Variants in SHTN1 observed in about 807,000 individuals in gnomAD.
SHTN1 encodes the protein shootin 1, also known as shootin-1.
Under a neutral mutation model 83.1 loss-of-function variants are expected in SHTN1, and 42 were observed. The observed-to-expected ratio is 0.51, with a 90% confidence interval of 0.39 to 0.65. The LOEUF is 0.65. Ranked by LOEUF, SHTN1 falls within the 30% of genes least tolerant of loss-of-function variation. The probability of loss-of-function intolerance (pLI) is 0.00; values close to 1 mark genes in which losing one functional copy is unlikely to be tolerated. For missense variants in SHTN1, 622 were observed against 737.8 expected (o/e 0.84, Z 1.82); for synonymous variants, 224 against 247.7 (o/e 0.90, Z 0.90).
intron 1 of SHTN1, among the ~76,000 whole-genome samples, chr10:117,090,847 A>G (rs1038311193): frequency 2.0e-5 from 3 of 151,956 alleles, no homozygotes; most frequent in Non-Finnish European, 4.4e-5. Flanking sequence ...GGGAAAGGTG[A>G]GCCAGGAAAA....
At chr10:117,020,093 A>G (rs1852237788) in intron 2 of SHTN1, among the ~76,000 whole-genome samples, 1 of 152,186 alleles carries the variant, frequency 6.6e-6, no homozygotes, top group African/African-American at 2.4e-5. Flanking sequence ...ATCTTGAAAC[A>G]AAAGAATAAA....
chr10:117,074,095 C>T (rs1480447682), intron 1 of SHTN1, among the ~76,000 whole-genome samples: 1 of 152,084 alleles, frequency 6.6e-6, no homozygotes, highest in East Asian at 1.9e-4. Context: ...TATCATTTTT[C>T]CCCTTTAGCT....
Position 116,979,289 on chromosome 10 carries a change from G to T in SHTN1, c.78C>A (p.Asp26Glu). 6.2e-7 allele frequency: 1 copy of T among 1,613,874 alleles called. No individual in the cohort carries two copies. Among genetic ancestry groups the T allele is most frequent in the Non-Finnish European group, 8.5e-7 (1 of 1,179,918 alleles). Residue 26 changes from aspartate to glutamate, a missense_variant, in exon 2 of 17, where the codon GAC becomes GAA. Asp to Glu is a conservative substitution (Grantham distance 45). This residue lies in a region of SHTN1 where 383 missense variants were observed against 455.8 expected (regional missense o/e 0.84). Transcript: ENST00000355371. ...TTGTTTTCTGGTTCTCTGCTCTAAG[G>T]TCTTCATATTCGCCTATTGCTAAAA... ...LKEQAIGEYEDLRAENQKTKE... is the reference protein window; with the variant it reads ...LKEQAIGEYEELRAENQKTKE...
At chr10:116,924,330 T>TGAG (rs10652199) in intron 11 of SHTN1, among the ~76,000 whole-genome samples, 9,155 of 152,136 alleles carry the variant, frequency 0.06, 865 homozygotes, top group African/African-American at 0.2. Flanking sequence ...TCTCGTTCTG[T>TGAG]GAGATTTTGC....
intron 1 of SHTN1, among the ~76,000 whole-genome samples, chr10:117,004,566 C>A (rs1170156843): frequency 1.3e-5 from 2 of 152,062 alleles, no homozygotes; most frequent in Admixed American, 6.6e-5. Context: ...CGAATCCAAA[C>A]GAAAAGCTGG....
intron 3 of SHTN1, among the ~76,000 whole-genome samples, chr10:116,963,103 G>A (rs71475009): frequency 1.9e-5 from 2 of 105,472 alleles, no homozygotes; most frequent in Non-Finnish European, 3.5e-5. Context: ...ACGGAGTCTC[G>A]CTCTGTGGCC....
chr10:117,104,371 T>C (rs1367389442), intron 1 of SHTN1, among the ~76,000 whole-genome samples: 1 of 152,226 alleles, frequency 6.6e-6, no homozygotes, highest in African/African-American at 2.4e-5. Flanking sequence ...TCATAGTTAT[T>C]TGGGTACAAG....
At chr10:116,999,379 T>C (rs1235479449) in intron 1 of SHTN1, among the ~76,000 whole-genome samples, 2 of 152,188 alleles carry the variant, frequency 1.3e-5, no homozygotes, top group Non-Finnish European at 2.9e-5. Flanking sequence ...AATGGGGTCA[T>C]AGCATGCATT....
intron 16 of SHTN1, among the ~76,000 whole-genome samples, chr10:116,895,907 C>T (rs1847500315): frequency 6.6e-6 from 1 of 152,074 alleles, no homozygotes; most frequent in South Asian, 2.1e-4. Flanking sequence ...AAATAATAAA[C>T]AAAAGCACCT....
intron 4 of SHTN1, among the ~76,000 whole-genome samples, chr10:116,959,462 C>A (rs1589844220): frequency 6.6e-6 from 1 of 152,186 alleles, no homozygotes; most frequent in Non-Finnish European, 1.5e-5. Flanking sequence ...GAAACACAAC[C>A]AGTATTACTA....
Position 116,921,656 on chromosome 10 carries a change from A to G in SHTN1, c.1113-140T>C, listed in dbSNP as rs1347969909. 4 of 578,326 alleles carry G rather than the reference A, an allele frequency of 6.9e-6. No individual in the cohort carries two copies. The Admixed American group carries it at 1.4e-4, about 20-fold the overall frequency. 35.8% of individuals were successfully genotyped at this position (578,326 alleles called of 1,614,324 possible). The stretch of plus-strand genomic sequence containing the variant: ...TCTACGTTCCATTTTTAATAATATT[A>G]AACTTTTCATCACTTTACAGAAGAG... On this transcript the variant is annotated intron_variant, in intron 11 of 16. Coordinates refer to ENST00000355371, the MANE Select transcript of SHTN1 (RefSeq NM_001127211.3).
At chr10:116,967,805 A>G (rs755597693) in intron 3 of SHTN1, among the ~76,000 whole-genome samples, 5 of 152,212 alleles carry the variant, frequency 3.3e-5, no homozygotes, top group Non-Finnish European at 5.9e-5. Context: ...TATAATAGCT[A>G]AAAACCAGGA....
At chr10:117,069,656 C>G (rs1424097296) in intron 1 of SHTN1, among the ~76,000 whole-genome samples, 1 of 152,052 alleles carries the variant, frequency 6.6e-6, no homozygotes, top group Non-Finnish European at 1.5e-5. Context: ...TTTATAAAGT[C>G]CAAGTGGCTT....
chr10:117,016,263 G>A (rs958815330), intron 2 of SHTN1, among the ~76,000 whole-genome samples: 11 of 152,120 alleles, frequency 7.2e-5, no homozygotes, highest in East Asian at 1.9e-4. Context: ...TGTTTGAGGC[G>A]TATGTGTGTC....
At chr10:117,024,348 CTTTTTTTTTTTTTTT>C (rs1174576153) in intron 2 of SHTN1, among the ~76,000 whole-genome samples, 1 of 77,710 alleles carries the variant, frequency 1.3e-5, no homozygotes, top group African/African-American at 5.2e-5. Flanking sequence ...CAAAACTTTT[CTTTTTTTTTTTTTTT>C]TTTTTTTTTG....
At chr10:117,102,881 G>A (rs979431024) in intron 1 of SHTN1, among the ~76,000 whole-genome samples, 11 of 152,050 alleles carry the variant, frequency 7.2e-5, no homozygotes, top group African/African-American at 1.9e-4. Flanking sequence ...CTACTGGCCC[G>A]GCATCTTTAC....
chr10:116,976,096 T>C (rs892220618), intron 2 of SHTN1, among the ~76,000 whole-genome samples: 5 of 152,218 alleles, frequency 3.3e-5, no homozygotes, highest in African/African-American at 2.4e-5. Flanking sequence ...GACTCTGCCA[T>C]GGTCTGTGTA....
chr10:117,023,738 T>C (rs957555978), intron 2 of SHTN1: 1 of 152,660 alleles, frequency 6.6e-6, no homozygotes, highest in Non-Finnish European at 1.5e-5. Context: ...ACAGTGCTCA[T>C]CTTTGGCCAG....
chr10:116,899,540 TGTGTGTGAGAGA>T (rs1181730406), intron 16 of SHTN1, among the ~76,000 whole-genome samples: 6 of 91,270 alleles, frequency 6.6e-5, no homozygotes, highest in African/African-American at 1.7e-4. Flanking sequence ...TGTGTGTGTG[TGTGTGTGAGAGA>T]GTGCATGCAT....
Sources: gnomAD v4.1 joint callset for allele counts (sites outside exome capture counted in the v4.1 genomes callset) on GRCh38, gnomAD v4.1.1 for gene constraint, gnomAD v4.1.1 regional missense constraint, MANE v1.5 for transcripts, NCBI Gene and HGNC (gene_info 2026-07-23, HGNC 2026-07-21) for gene names.